The following PTPRT variants were observed in gnomAD, a reference collection of about 807,000 sequenced individuals.
The protein encoded by PTPRT is receptor-type tyrosine-protein phosphatase T.
PTPRT carries 56 observed loss-of-function variants against 176.8 expected under a neutral mutation model. That is an observed-to-expected ratio of 0.32 (90% CI 0.26 to 0.40). The LOEUF (loss-of-function observed/expected upper bound fraction) is 0.40. Among genes scored for constraint, PTPRT ranks in the 10% least tolerant of loss-of-function variants. The pLI is 1.00. For synonymous variants in PTPRT, 783 were observed against 739.0 expected, an observed-to-expected ratio of 1.06 and a Z score of -0.96; for missense variants, 1,540 against 1,908.2, an observed-to-expected ratio of 0.81 and a Z score of 3.60.
chr20:42,527,489 AC>A, intron 7 of PTPRT, among the ~76,000 whole-genome samples: 1 of 152,264 alleles, frequency 6.6e-6, no homozygotes, highest in Middle Eastern at 3.4e-3. Flanking sequence ...ACACACTGCA[AC>A]CTGCCACCTT....
chr20:42,221,549 CAG>C (rs1284087932), intron 15 of PTPRT, among the ~76,000 whole-genome samples: 2 of 147,964 alleles, frequency 1.4e-5, no homozygotes, highest in East Asian at 2.0e-4. Flanking sequence ...TTTTTTGAGA[CAG>C]AGTCTTGCTC....
chr20:42,821,478 A>C (rs1160988399), intron 2 of PTPRT, among the ~76,000 whole-genome samples: 1 of 152,246 alleles, frequency 6.6e-6, no homozygotes, highest in Non-Finnish European at 1.5e-5. Flanking sequence ...AAAAGCTGGA[A>C]GCATTCCCTT....
At chr20:42,948,090 T>C (rs894445586) in intron 1 of PTPRT, among the ~76,000 whole-genome samples, 2 of 152,206 alleles carry the variant, frequency 1.3e-5, no homozygotes, top group Admixed American at 6.5e-5. Context: ...CCTTGGTTTC[T>C]AGAAAGTGAC....
intron 15 of PTPRT, among the ~76,000 whole-genome samples, chr20:42,217,450 C>T (rs2055803804): frequency 6.6e-6 from 1 of 151,298 alleles, no homozygotes; most frequent in African/African-American, 2.4e-5. Flanking sequence ...TCCCCCACTC[C>T]ACCCCAAAAC....
At chr20:42,096,235 T>C (rs772082750) in intron 27 of PTPRT, among the ~76,000 whole-genome samples, 1 of 152,230 alleles carries the variant, frequency 6.6e-6, no homozygotes, top group Non-Finnish European at 1.5e-5. Flanking sequence ...GCCTTTTACC[T>C]GCACTGATCC....
chr20:42,032,094 A>G, the PTPRT span, among the ~76,000 whole-genome samples: 1 of 152,266 alleles, frequency 6.6e-6, no homozygotes, highest in South Asian at 2.1e-4. Context: ...TGGCGACTAC[A>G]CCAAAGGACA....
chr20:42,040,390 GT>G, the PTPRT span, among the ~76,000 whole-genome samples: 1 of 152,140 alleles, frequency 6.6e-6, no homozygotes, highest in Non-Finnish European at 1.5e-5. Flanking sequence ...AACTGGACTT[GT>G]TTAAAGTTGA....
At chr20:42,920,527 T>C (rs1979077854) in intron 1 of PTPRT, among the ~76,000 whole-genome samples, 1 of 152,076 alleles carries the variant, frequency 6.6e-6, no homozygotes, top group African/African-American at 2.4e-5. Flanking sequence ...TTCACTATGC[T>C]GTAGCCTTAC....
At chr20:43,078,221 G>A (rs1260234638) in intron 1 of PTPRT, among the ~76,000 whole-genome samples, 1 of 152,174 alleles carries the variant, frequency 6.6e-6, no homozygotes, top group Non-Finnish European at 1.5e-5. Flanking sequence ...CTTCTTAACA[G>A]TTAGATTTGT....
intron 1 of PTPRT, among the ~76,000 whole-genome samples, chr20:43,034,939 C>T (rs1600664188): frequency 1.3e-5 from 2 of 151,620 alleles, no homozygotes; most frequent in East Asian, 3.9e-4. Flanking sequence ...TCAGCATGTC[C>T]AATCTCTACC....
At chr20:42,242,040 G>T (rs186024946) in intron 14 of PTPRT, among the ~76,000 whole-genome samples, 3 of 152,244 alleles carry the variant, frequency 2.0e-5, no homozygotes, top group South Asian at 4.1e-4. Flanking sequence ...CTGATCTGTA[G>T]TACCCTTAAT....
intron 7 of PTPRT, among the ~76,000 whole-genome samples, chr20:42,652,346 C>T (rs1265489463): frequency 1.3e-5 from 2 of 152,116 alleles, no homozygotes; most frequent in African/African-American, 4.8e-5. Context: ...CTTACTTGCT[C>T]AATGCTGGAC....
chr20:42,604,678 G>A (rs1159492914), intron 7 of PTPRT, among the ~76,000 whole-genome samples: 2 of 152,148 alleles, frequency 1.3e-5, no homozygotes, highest in East Asian at 3.9e-4. Flanking sequence ...AGAGCTCTGG[G>A]CCCAGCCACT....
chr20:42,811,397 A>T (rs1392046196), intron 2 of PTPRT, among the ~76,000 whole-genome samples: 1 of 152,162 alleles, frequency 6.6e-6, no homozygotes, highest in East Asian at 1.9e-4. Flanking sequence ...TTTTTTTTTA[A>T]CACTGTATTT....
chr20:42,129,972 C>A (rs1405001143), intron 18 of PTPRT, among the ~76,000 whole-genome samples: 1 of 152,088 alleles, frequency 6.6e-6, no homozygotes, highest in Admixed American at 6.5e-5. Context: ...TCACAGTGAC[C>A]CTGTGGAAGA....
At chr20:43,162,302 T>C (rs776220981) in intron 1 of PTPRT, among the ~76,000 whole-genome samples, 1 of 152,230 alleles carries the variant, frequency 6.6e-6, no homozygotes, top group Non-Finnish European at 1.5e-5. Flanking sequence ...ACGTGTTTTA[T>C]ACATGCATTA....
At chr20:42,892,992 A>T (rs2079221610) in intron 1 of PTPRT, among the ~76,000 whole-genome samples, 1 of 152,120 alleles carries the variant, frequency 6.6e-6, no homozygotes, top group Admixed American at 6.5e-5. Flanking sequence ...CGGTGAACCC[A>T]GGGGAGGCCT....
intron 7 of PTPRT, among the ~76,000 whole-genome samples, chr20:42,611,095 A>G (rs1201997617): frequency 1.3e-5 from 2 of 152,168 alleles, no homozygotes; most frequent in Admixed American, 6.5e-5. Flanking sequence ...GGCGGTTTCT[A>G]TTTTGGGGTG....
intron 1 of PTPRT, among the ~76,000 whole-genome samples, chr20:42,944,153 G>A (rs1238950498): frequency 4.6e-5 from 7 of 152,108 alleles, no homozygotes; most frequent in Admixed American, 4.6e-4. Flanking sequence ...CCACTATCTT[G>A]CCACTGAGTC....
Sources: gnomAD v4.1 joint callset for allele counts (sites outside exome capture counted in the v4.1 genomes callset) on GRCh38, gnomAD v4.1.1 for gene constraint, MANE v1.5 for transcripts, NCBI Gene and HGNC (gene_info 2026-07-23, HGNC 2026-07-21) for gene names.